Variants in MAGI2 observed in about 807,000 individuals in gnomAD.
The protein encoded by MAGI2 is membrane-associated guanylate kinase, WW and PDZ domain-containing protein 2.
MAGI2 carries 35 observed loss-of-function variants against 133.3 expected under a neutral mutation model. The observed-to-expected ratio is 0.26, with a 90% CI of 0.20 to 0.35. MAGI2 has a LOEUF of 0.35. Among genes scored for constraint, MAGI2 ranks in the 10% least tolerant of loss-of-function variants. The pLI, the probability that MAGI2 is intolerant of heterozygous loss-of-function variation, is 1.00. For missense variants in MAGI2, 1,636 were observed against 1,863.4 expected (o/e 0.88, Z 2.25); for synonymous variants, 729 against 710.6 (o/e 1.03, Z -0.41).
intron 12 of MAGI2, among the ~76,000 whole-genome samples, chr7:78,188,667 C>A (rs1032010588): frequency 6.6e-6 from 1 of 152,142 alleles, no homozygotes; most frequent in Non-Finnish European, 1.5e-5. Context: ...CAGCAGTGTT[C>A]AAGCAAATCA....
chr7:78,054,337 G>T (rs1157983497), intron 21 of MAGI2, among the ~76,000 whole-genome samples: 2 of 152,062 alleles, frequency 1.3e-5, no homozygotes, highest in East Asian at 1.9e-4. Flanking sequence ...TGTTGGTCAG[G>T]CTGGTCTTGA....
At chr7:78,652,337 A>G (rs1811668022) in intron 2 of MAGI2, among the ~76,000 whole-genome samples, 1 of 152,024 alleles carries the variant, frequency 6.6e-6, no homozygotes, top group Non-Finnish European at 1.5e-5. Flanking sequence ...TAATCTATTC[A>G]ATACAATAAT....
chr7:78,419,010 G>A (rs960660368), intron 6 of MAGI2, among the ~76,000 whole-genome samples: 1 of 152,106 alleles, frequency 6.6e-6, no homozygotes, highest in Non-Finnish European at 1.5e-5. Flanking sequence ...TGGAAATTAG[G>A]AAGTTCATTA....
intron 6 of MAGI2, among the ~76,000 whole-genome samples, chr7:78,459,259 C>T (rs926115950): frequency 1.1e-4 from 17 of 152,132 alleles, no homozygotes; most frequent in African/African-American, 4.1e-4. Flanking sequence ...GCATAATAAT[C>T]TGCAGTAGAT....
chr7:78,075,501 T>C (rs966530530), intron 21 of MAGI2, among the ~76,000 whole-genome samples: 7 of 151,804 alleles, frequency 4.6e-5, no homozygotes, highest in African/African-American at 1.5e-4. Flanking sequence ...CTCAGCCTCC[T>C]GAGTAGCTGG....
At chr7:78,932,078 C>T (rs1172440057) in intron 2 of MAGI2, among the ~76,000 whole-genome samples, 1 of 151,320 alleles carries the variant, frequency 6.6e-6, no homozygotes, top group Non-Finnish European at 1.5e-5. Context: ...CCTCCTTTGG[C>T]TGTATTGCAT....
At chr7:78,136,534 T>C (rs1293585347) in intron 16 of MAGI2, among the ~76,000 whole-genome samples, 1 of 152,216 alleles carries the variant, frequency 6.6e-6, no homozygotes, top group African/African-American at 2.4e-5. Context: ...CCAAGATAAC[T>C]ATTTATGGGG....
chr7:78,430,600 C>T (rs561209410), intron 6 of MAGI2, among the ~76,000 whole-genome samples: 80 of 152,094 alleles, frequency 5.3e-4, no homozygotes, highest in African/African-American at 1.6e-3. Flanking sequence ...GTAATAGTAT[C>T]CAACACCTTT....
intron 2 of MAGI2, among the ~76,000 whole-genome samples, chr7:78,629,175 A>G (rs2150959440): frequency 6.6e-6 from 1 of 152,268 alleles, no homozygotes; most frequent in East Asian, 1.9e-4. Flanking sequence ...CTTTCGGTTC[A>G]CTAAGTGGCT....
intron 21 of MAGI2, among the ~76,000 whole-genome samples, chr7:78,060,025 A>G (rs938326872): frequency 1.3e-5 from 2 of 152,158 alleles, no homozygotes; most frequent in Non-Finnish European, 2.9e-5. Context: ...TCTGTAGCCC[A>G]GCAGCACTGG....
intron 1 of MAGI2, among the ~76,000 whole-genome samples, chr7:79,170,978 C>T (rs1441841767): frequency 6.6e-6 from 1 of 152,074 alleles, no homozygotes; most frequent in Non-Finnish European, 1.5e-5. Context: ...GGCAGTCATT[C>T]ACAACATATA....
intron 10 of MAGI2, among the ~76,000 whole-genome samples, chr7:78,201,669 G>A (rs73148284): frequency 0.26 from 39,250 of 151,998 alleles, 5,393 homozygotes; most frequent in Middle Eastern, 0.36. Context: ...TAAAAATAAC[G>A]TATATGCCTA....
intron 2 of MAGI2, among the ~76,000 whole-genome samples, chr7:78,637,005 C>T (rs1809733562): frequency 6.6e-6 from 1 of 152,162 alleles, no homozygotes; most frequent in African/African-American, 2.4e-5. Flanking sequence ...GTCCAGAAAC[C>T]ATAATTGGAG....
intron 2 of MAGI2, among the ~76,000 whole-genome samples, chr7:78,828,243 C>A (rs1018167791): frequency 3.3e-5 from 5 of 152,088 alleles, no homozygotes. Flanking sequence ...TACAGTATGG[C>A]AAAAGGGGTA....
At chr7:79,257,831 A>T (rs1399130322) in intron 1 of MAGI2, among the ~76,000 whole-genome samples, 1 of 152,042 alleles carries the variant, frequency 6.6e-6, no homozygotes, top group Non-Finnish European at 1.5e-5. Flanking sequence ...AGAGACACAC[A>T]GTTATTGATG....
chr7:79,213,181 G>T (rs1585215391), intron 1 of MAGI2, among the ~76,000 whole-genome samples: 2 of 150,968 alleles, frequency 1.3e-5, no homozygotes, highest in Non-Finnish European at 2.9e-5. Context: ...TTTCTGTATA[G>T]ATTTTTCTGT....
At chr7:78,846,951 C>T (rs2151473721) in intron 2 of MAGI2, among the ~76,000 whole-genome samples, 1 of 151,954 alleles carries the variant, frequency 6.6e-6, no homozygotes, top group Non-Finnish European at 1.5e-5. Context: ...CCCAGGTGGT[C>T]CTTATATAGG....
In MAGI2 at chr7:79,211,303, G is replaced by T. The variant is rs143389037; in HGVS notation, c.302-204097C>A. Among the ~76,000 whole-genome samples the T allele has an allele frequency of 5.6e-4, 85 of 151,872 alleles. 1 individual carries two copies. In the East Asian group the frequency reaches 0.015, roughly 27 times the overall value. On this transcript the variant is annotated intron_variant, in intron 1 of 21. Coordinates refer to ENST00000354212, the MANE Select transcript of MAGI2 (RefSeq NM_012301.4). ...TTTTATTTATTTTTTTTAAGACAGG[G>T]TCTTGTTCTGTCATCCAGGCTGTAG...
chr7:78,354,233 A>AC (rs994444585), intron 7 of MAGI2, among the ~76,000 whole-genome samples: 1 of 152,236 alleles, frequency 6.6e-6, no homozygotes, highest in Non-Finnish European at 1.5e-5. Context: ...CTGACTTGTA[A>AC]CATACTCTAT....
Sources: allele counts gnomAD v4.1 joint callset (sites outside exome capture counted in the v4.1 genomes callset), GRCh38; gene constraint gnomAD v4.1.1; transcripts MANE v1.5; gene names NCBI Gene and HGNC (gene_info 2026-07-23, HGNC 2026-07-21).